SLC25A17: variants seen among roughly 807,000 people sequenced by gnomAD.
The protein encoded by SLC25A17 is peroxisomal membrane protein PMP34.
In SLC25A17, 26 loss-of-function variants were observed where a neutral mutation model predicts 38.5. The observed-to-expected ratio is 0.68, with a 90% CI of 0.50 to 0.94. SLC25A17 has a LOEUF of 0.94. SLC25A17 is among the 40% of genes least tolerant of loss of function. The pLI is 0.00. For missense variants in SLC25A17, 333 were observed against 372.7 expected (o/e 0.89, Z 0.88); for synonymous variants, 139 against 136.2 (o/e 1.02, Z -0.14).
intron 1 of SLC25A17, 55 bp from the exon 2 acceptor site, chr22:40,799,138 C>CT (rs906492198): frequency 0.067 from 69,520 of 1,032,032 alleles, no homozygotes; most frequent in South Asian, 0.087. Flanking sequence ...TAAGTCACAA[C>CT]TTTTTTTTTT....
intron 1 of SLC25A17, chr22:40,817,122 C>T (rs2057649420): frequency 6.6e-6 from 1 of 152,208 alleles, no homozygotes; most frequent in African/African-American, 2.4e-5. Context: ...ATTTCCCCCA[C>T]CACTCCACCA....
chr22:40,796,031 C>T (rs1190603344), intron 2 of SLC25A17, among the ~76,000 whole-genome samples: 7 of 151,938 alleles, frequency 4.6e-5, no homozygotes, highest in East Asian at 1.9e-4. Context: ...TCAGGTGATC[C>T]GCCCGCCTCG....
intron 4 of SLC25A17, among the ~76,000 whole-genome samples, chr22:40,787,832 A>T (rs1317332611): frequency 6.6e-6 from 1 of 152,260 alleles, no homozygotes; most frequent in African/African-American, 2.4e-5. Flanking sequence ...TGGTATAATG[A>T]TGTGAGTTCA....
chr22:40,793,565 T>C (rs2057401717), intron 3 of SLC25A17, among the ~76,000 whole-genome samples: 1 of 152,020 alleles, frequency 6.6e-6, no homozygotes, highest in Non-Finnish European at 1.5e-5. Context: ...ATAACCTCAA[T>C]GGAATCATGA....
intron 4 of SLC25A17, among the ~76,000 whole-genome samples, chr22:40,780,744 T>C (rs2145655045): frequency 6.6e-6 from 1 of 152,350 alleles, no homozygotes; most frequent in Non-Finnish European, 1.5e-5. Flanking sequence ...CCCACCTTTC[T>C]AAACAAGTGA....
intron 1 of SLC25A17, among the ~76,000 whole-genome samples, chr22:40,814,189 T>C (rs2057611422): frequency 6.6e-6 from 1 of 152,216 alleles, no homozygotes; most frequent in Non-Finnish European, 1.5e-5. Flanking sequence ...CAGAAGACTC[T>C]GTGACCATAA....
rs1411332672 is a variant in SLC25A17, at chr22:40,770,329, A to C, written c.*505T>G. On this transcript the variant is annotated 3_prime_UTR_variant, in exon 9 of 9. Transcript: ENST00000435456. ...ACCTCTCCTTAAGCAGGGAAAAAAA[A>C]GCCCAACAAAAATAAAGTCATGCCC... The C allele has an allele frequency of 6.6e-6, 1 of 152,224 alleles. No homozygotes were observed. Among genetic ancestry groups the C allele is most frequent in the African/African-American group, 2.4e-5 (1 of 41,470 alleles). 9.4% of individuals were successfully genotyped at this position (152,224 alleles called of 1,614,324 possible). A position where few individuals can be genotyped will look rare whatever the true frequency, so the allele number is the denominator to read the frequency against.
rs1405654581 is a variant in SLC25A17, at chr22:40,819,331, AG to A, written c.-84del. The A allele has an allele frequency of 2.7e-5, 35 of 1,286,116 alleles. No homozygotes were observed. Among genetic ancestry groups the A allele is most frequent in the East Asian group, 1.7e-4 (4 of 22,940 alleles). 79.7% of individuals were successfully genotyped at this position (1,286,116 alleles called of 1,614,324 possible). Reference sequence around the variant, plus strand: ...AGTTAGGAAAGGAGCACCGGAGCTCAGGGTGTGAGAGTCGCAATCCCCGCCC... The same window carrying A: ...AGTTAGGAAAGGAGCACCGGAGCTCAGGTGTGAGAGTCGCAATCCCCGCCC... On this transcript the variant is annotated 5_prime_UTR_variant, in exon 1 of 9. Coordinates refer to ENST00000435456, the MANE Select transcript of SLC25A17 (RefSeq NM_006358.4).
chr22:40,792,419 C>T, intron 4 of SLC25A17, 106 bp downstream of exon 4: 2 of 809,620 alleles, frequency 2.5e-6, no homozygotes, highest in Non-Finnish European at 3.5e-6. Flanking sequence ...AGTTGGAAAA[C>T]TGGCTATATT....
intron 7 of SLC25A17, among the ~76,000 whole-genome samples, chr22:40,774,322 C>G (rs2057219097): frequency 1.3e-5 from 2 of 151,500 alleles, no homozygotes; most frequent in South Asian, 2.1e-4. Flanking sequence ...CTCCCAGGTT[C>G]AAGTGATTCT....
Position 40,777,101 on chromosome 22 carries a change from A to G in SLC25A17, c.632T>C (p.Val211Ala). The G allele has an allele frequency of 5.6e-6, 9 of 1,614,198 alleles. No individual in the cohort carries two copies. Among genetic ancestry groups the G allele is most frequent in the Non-Finnish European group, 7.6e-6 (9 of 1,180,030 alleles). ...SSLDVFIIGAVAKAIATTVTY... is the reference protein window; with the variant it reads ...SSLDVFIIGAAAKAIATTVTY... Reference sequence around the variant, plus strand: ...CACCGTGGTGGCAATCGCTTTGGCTACTGCACCAATGATGAACACATCCAA... The same window carrying G: ...CACCGTGGTGGCAATCGCTTTGGCTGCTGCACCAATGATGAACACATCCAA... The change falls in exon 7 of 9, where the codon GTA becomes GCA. Residue 211 changes from valine (V) to alanine (A), a missense_variant. Coordinates refer to ENST00000435456, the MANE Select transcript of SLC25A17 (RefSeq NM_006358.4).
chr22:40,780,732 C>T (rs940664584), intron 4 of SLC25A17, among the ~76,000 whole-genome samples: 6 of 152,212 alleles, frequency 3.9e-5, no homozygotes, highest in Admixed American at 3.9e-4. Context: ...AGGTATAGTG[C>T]ACCCACCTTT....
chr22:40,801,128 C>CATATATACAT (rs2057478335), intron 1 of SLC25A17, among the ~76,000 whole-genome samples: 1 of 101,194 alleles, frequency 9.9e-6, no homozygotes, highest in African/African-American at 3.6e-5. Context: ...AAATATATTA[C>CATATATACAT]ATATATATAT....
intron 1 of SLC25A17, chr22:40,799,579 C>T (rs2057463190): frequency 6.6e-6 from 1 of 152,284 alleles, no homozygotes; most frequent in East Asian, 1.9e-4. Context: ...CCAGGATGGT[C>T]TCGATCTCCT....
intron 8 of SLC25A17, among the ~76,000 whole-genome samples, chr22:40,771,339 T>C (rs918051091): frequency 2.0e-5 from 3 of 152,174 alleles, no homozygotes; most frequent in Non-Finnish European, 4.4e-5. Context: ...CTCGATCCCC[T>C]GACCTCGTGA....
At chr22:40,798,489 A>T (rs2057450156) in intron 2 of SLC25A17, among the ~76,000 whole-genome samples, 1 of 152,006 alleles carries the variant, frequency 6.6e-6, no homozygotes, top group Admixed American at 6.6e-5. Flanking sequence ...CTAGAGTGGG[A>T]AAGGGGGTGA....
chr22:40,797,372 T>C (rs2057440258), intron 2 of SLC25A17: 1 of 1,184,138 alleles, frequency 8.4e-7, no homozygotes, highest in Non-Finnish European at 1.1e-6. Context: ...CAGTGAGTTG[T>C]AGAGTCCCAT....
At chr22:40,785,342 C>T (rs932865494) in intron 4 of SLC25A17, among the ~76,000 whole-genome samples, 1 of 152,242 alleles carries the variant, frequency 6.6e-6, no homozygotes, top group Non-Finnish European at 1.5e-5. Flanking sequence ...GGAGATCGCG[C>T]CACTGCACTC....
intron 3 of SLC25A17, among the ~76,000 whole-genome samples, chr22:40,793,523 T>C (rs1361840147): frequency 6.6e-6 from 1 of 151,994 alleles, no homozygotes; most frequent in East Asian, 1.9e-4. Flanking sequence ...AAGGACACAA[T>C]ATCACCTGTG....
Sources: gnomAD v4.1 joint callset for allele counts (sites outside exome capture counted in the v4.1 genomes callset) on GRCh38, gnomAD v4.1.1 for gene constraint, MANE v1.5 for transcripts, NCBI Gene and HGNC (gene_info 2026-07-23, HGNC 2026-07-21) for gene names.